TLCD3A: variants seen among roughly 807,000 people sequenced by gnomAD.
TLCD3A encodes TLC domain containing 3A.
TLCD3A carries 17 observed loss-of-function variants against 29.9 expected under a neutral mutation model. The ratio of observed to expected loss-of-function variants is 0.57; its 90% CI spans 0.39 to 0.85. The LOEUF is 0.85. TLCD3A is among the 40% of genes least tolerant of loss of function. TLCD3A has a pLI of 0.00. For missense variants in TLCD3A, 332 were observed against 350.8 expected, an observed-to-expected ratio of 0.95 and a Z score of 0.43; for synonymous variants, 143 against 147.7, an observed-to-expected ratio of 0.97 and a Z score of 0.23.
Position 741,529 on chromosome 17 carries a change from G to A in TLCD3A, c.733G>A (p.Val245Ile). The change falls in exon 5 of 5, where the codon GTC becomes ATC. Residue 245 changes from valine (V) to isoleucine (I), a missense_variant. Val to Ile is a conservative substitution (Grantham distance 29, BLOSUM62 3). Coordinates refer to ENST00000308278, the MANE Select transcript of TLCD3A (RefSeq NM_024792.3). Reference protein sequence around the residue: ...YWFCLLCRKAVRLFDTPQAKK... With the variant: ...YWFCLLCRKAIRLFDTPQAKK... ...GTTCTGTCTGCTGTGCAGGAAGGCA[G>A]TCCGGCTCTTTGACACTCCCCAAGC... The A allele has an allele frequency of 6.2e-7, 1 of 1,614,048 alleles. No homozygotes were observed. The highest frequency in any genetic ancestry group is 1.1e-5 in the South Asian group (1 of 91,086).
At chr17:735,147 T>C (rs1198285067) in intron 2 of TLCD3A, among the ~76,000 whole-genome samples, 1 of 152,146 alleles carries the variant, frequency 6.6e-6, no homozygotes, top group Non-Finnish European at 1.5e-5. Context: ...CTCAGCCTCC[T>C]GAGTAGCTGA....
At chr17:732,890 G>A (rs192831054) in intron 1 of TLCD3A, 121 bp downstream of exon 1, 1 of 1,372,732 alleles carries the variant, frequency 7.3e-7, no homozygotes, top group South Asian at 1.7e-5. Flanking sequence ...CTCCCTCCGC[G>A]TCCCGGCGGC....
At chr17:740,293 C>T (rs139948890) in intron 3 of TLCD3A, among the ~76,000 whole-genome samples, 4 of 152,282 alleles carry the variant, frequency 2.6e-5, no homozygotes, top group East Asian at 1.9e-4. Context: ...TGGTGTGGGA[C>T]GCCGTCATCC....
Position 741,366 on chromosome 17 carries a change from C to T in TLCD3A, c.570C>T (p.Ser190=). 2 of 1,614,224 alleles carry T rather than the reference C, an allele frequency of 1.2e-6. No individual in the cohort carries two copies. The highest frequency in any genetic ancestry group is 1.7e-6 in the Non-Finnish European group (2 of 1,180,040). ...TCCTCACGCTGGCCACCTTCCTTTC[C>T]TGCCGGATCCTTCTCTTCCCCTTCA... ...NGILTLATFL[S]CRILLFPFMY... Residue 190 remains serine (S), a synonymous_variant, in exon 5 of 5, where the codon TCC becomes TCT. Coordinates refer to ENST00000308278, the MANE Select transcript of TLCD3A (RefSeq NM_024792.3).
intron 2 of TLCD3A, among the ~76,000 whole-genome samples, chr17:735,549 C>A (rs1160428768): frequency 1.3e-5 from 2 of 152,158 alleles, no homozygotes; most frequent in Non-Finnish European, 2.9e-5. Flanking sequence ...AGGGGAGAGG[C>A]CAGTTATATT....
At chr17:736,738 C>G (rs1974160599) in intron 2 of TLCD3A, among the ~76,000 whole-genome samples, 1 of 152,098 alleles carries the variant, frequency 6.6e-6, no homozygotes, top group East Asian at 1.9e-4. Flanking sequence ...TCACTGCAAC[C>G]TCTGCCTCCC....
Position 741,348 on chromosome 17 carries a change from GCTGGCCAC to G in TLCD3A, c.555_562del (p.Ala186ProfsTer61). ...TGTACAAGGTGAATGGAATCCTCAC[GCTGGCCAC>G]CTTCCTTTCCTGCCGGATCCTTCTC... On this transcript the variant is annotated frameshift_variant, in exon 5 of 5. Transcript: ENST00000308278. LOFTEE classifies it high-confidence loss of function. 6.2e-7 allele frequency: 1 copy of G among 1,614,158 alleles called. No individual in the cohort carries two copies. The highest frequency in any genetic ancestry group is 8.5e-7 in the Non-Finnish European group (1 of 1,180,020).
intron 1 of TLCD3A, 60 bp downstream of exon 1, chr17:732,829 G>T (rs1189463582): frequency 1.5e-5 from 21 of 1,383,788 alleles, no homozygotes; most frequent in Non-Finnish European, 2.0e-5. Context: ...CACCCCACCC[G>T]GCCGCGGGGC....
rs768679019 is a variant in TLCD3A, at chr17:738,057, T to A, written c.408+10T>A. ...TGTGCCAGTCGCACAGGTATGGCCTTCCAGGACAGCAGACCAGCAGCTGGG... is the reference window on the plus strand; with the variant it reads ...TGTGCCAGTCGCACAGGTATGGCCTACCAGGACAGCAGACCAGCAGCTGGG... On this transcript the variant is annotated intron_variant, in intron 3 of 4. Coordinates refer to ENST00000308278, the MANE Select transcript of TLCD3A (RefSeq NM_024792.3). 6.6e-7 allele frequency: 1 copy of A among 1,507,568 alleles called. No homozygotes were observed. The highest frequency in any genetic ancestry group is 9.1e-7 in the Non-Finnish European group (1 of 1,094,346). 93.4% of individuals were successfully genotyped at this position (1,507,568 alleles called of 1,614,324 possible). A position where few individuals can be genotyped will look rare whatever the true frequency, so the allele number is the denominator to read the frequency against.
chr17:732,923 C>T, intron 1 of TLCD3A, 154 bp downstream of exon 1: 6 of 1,357,502 alleles, frequency 4.4e-6, no homozygotes, highest in South Asian at 1.6e-5. Flanking sequence ...AGCCCCTCCG[C>T]GTCCTCCCCT....
Position 741,634 on chromosome 17 carries a change from C to T in TLCD3A, c.*64C>T, listed in dbSNP as rs1032678639. 32 of 1,572,138 alleles carry T rather than the reference C, an allele frequency of 2.0e-5. No homozygotes were observed. In the African/African-American group the frequency reaches 3.9e-4, roughly 19 times the overall value. Reference sequence around the variant, plus strand: ...CTCCTCCACTCAGCATTCCATGGACCAAATTGTGCCCTGGGTAGCCTCAGA... The same window carrying T: ...CTCCTCCACTCAGCATTCCATGGACTAAATTGTGCCCTGGGTAGCCTCAGA... On this transcript the variant is annotated 3_prime_UTR_variant, in exon 5 of 5. Transcript: ENST00000308278.
Position 737,980 on chromosome 17 carries a change from T to A in TLCD3A, c.341T>A (p.Leu114Gln). 6.2e-7 allele frequency: 1 copy of A among 1,613,754 alleles called. No homozygotes were observed. Reference protein sequence around the residue: ...RAPSLTLRNFLSRNRLMITHH... With the variant: ...RAPSLTLRNFQSRNRLMITHH... ...CCCTCCCTCACTCTTCGAAACTTCC[T>A]AAGTCGAAACCGCCTCATGATCACA... The change falls in exon 3 of 5, where the codon CTA becomes CAA. Residue 114 changes from leucine to glutamine, a missense_variant. Transcript: ENST00000308278.
At chr17:736,538 C>T (rs1377481530) in intron 2 of TLCD3A, among the ~76,000 whole-genome samples, 1 of 152,178 alleles carries the variant, frequency 6.6e-6, no homozygotes, top group Non-Finnish European at 1.5e-5. Flanking sequence ...ACTGATTCAG[C>T]CCCTTTGGAT....
chr17:733,263 A>AGAAAGCTGACTAATGGG, intron 2 of TLCD3A, 82 bp downstream of exon 2: 1 of 1,317,614 alleles, frequency 7.6e-7, no homozygotes, highest in Non-Finnish European at 1.0e-6. Context: ...ACACGCGCTC[A>AGAAAGCTGACTAATGGG]GAAAGCTGAC....
At chr17:732,813 C>T (rs2144102990) in intron 1 of TLCD3A, 44 bp downstream of exon 1, 1 of 1,402,686 alleles carries the variant, frequency 7.1e-7, no homozygotes, top group Non-Finnish European at 9.2e-7. Context: ...GGGGCGCTGC[C>T]CACCGCACCC....
chr17:739,477 C>G (rs917557906), intron 3 of TLCD3A, among the ~76,000 whole-genome samples: 2 of 152,220 alleles, frequency 1.3e-5, no homozygotes, highest in African/African-American at 2.4e-5. Flanking sequence ...GCGTGAGCCA[C>G]TGCTCTTGGC....
At chr17:733,967 C>G (rs996370396) in intron 2 of TLCD3A, among the ~76,000 whole-genome samples, 1 of 152,194 alleles carries the variant, frequency 6.6e-6, no homozygotes, top group African/African-American at 2.4e-5. Context: ...TGAGACTGAA[C>G]TGCGAGGGGC....
At chr17:735,969 G>A (rs1974147917) in intron 2 of TLCD3A, among the ~76,000 whole-genome samples, 1 of 109,288 alleles carries the variant, frequency 9.2e-6, no homozygotes, top group African/African-American at 3.6e-5. Flanking sequence ...GCAAGATTTT[G>A]TCTCAAAAAC....
intron 2 of TLCD3A, among the ~76,000 whole-genome samples, chr17:734,811 A>T (rs1246003159): frequency 6.6e-6 from 1 of 152,144 alleles, no homozygotes; most frequent in African/African-American, 2.4e-5. Context: ...ACAAAGTCAC[A>T]GCTCCAGGTG....
Sources: gnomAD v4.1 joint callset for allele counts (sites outside exome capture counted in the v4.1 genomes callset) on GRCh38, gnomAD v4.1.1 for gene constraint, MANE v1.5 for transcripts, NCBI Gene and HGNC (gene_info 2026-07-23, HGNC 2026-07-21) for gene names.